The following ATG4C variants were observed in gnomAD, a reference collection of about 807,000 sequenced individuals.
ATG4C encodes the protein cysteine protease ATG4C.
ATG4C carries 56 observed loss-of-function variants against 57.6 expected under a neutral mutation model. The ratio of observed to expected loss-of-function variants is 0.97; its 90% CI spans 0.78 to 1.21. The LOEUF is 1.21. Among genes scored for constraint, ATG4C ranks in the 50% most tolerant of loss-of-function variants. The probability of loss-of-function intolerance (pLI) is 0.00; values close to 1 mark genes in which losing one functional copy is unlikely to be tolerated. For synonymous variants in ATG4C, 157 were observed against 174.1 expected (o/e 0.90, Z 0.78); for missense variants, 595 against 529.8 (o/e 1.12, Z -1.21).
chr1:62,826,953 C>CT (rs1227240263), intron 6 of ATG4C, among the ~76,000 whole-genome samples: 2 of 152,126 alleles, frequency 1.3e-5, no homozygotes, highest in African/African-American at 4.8e-5. Flanking sequence ...GCCCTTGCCC[C>CT]TGTAGCCTAT....
chr1:62,822,286 G>A (rs1415444992), intron 6 of ATG4C, among the ~76,000 whole-genome samples: 1 of 151,944 alleles, frequency 6.6e-6, no homozygotes, highest in Non-Finnish European at 1.5e-5. Flanking sequence ...TTTTTGTTTG[G>A]CCTTGTAAAG....
chr1:62,813,004 C>T (rs548442785), intron 3 of ATG4C, among the ~76,000 whole-genome samples: 1 of 152,290 alleles, frequency 6.6e-6, no homozygotes, highest in South Asian at 2.1e-4. Flanking sequence ...ATTCCATGCT[C>T]ATGGATAGGA....
chr1:62,850,513 CT>C (rs1179928305), intron 10 of ATG4C, among the ~76,000 whole-genome samples: 2 of 152,092 alleles, frequency 1.3e-5, no homozygotes, highest in Non-Finnish European at 2.9e-5. Context: ...AATGGAATCT[CT>C]GCTTCTCCCT....
At chr1:62,803,257 G>A (rs1218995011) in intron 1 of ATG4C, among the ~76,000 whole-genome samples, 2 of 152,178 alleles carry the variant, frequency 1.3e-5, no homozygotes, top group Non-Finnish European at 2.9e-5. Flanking sequence ...TATGTGATGT[G>A]AAAGTAGTGA....
intron 6 of ATG4C, among the ~76,000 whole-genome samples, chr1:62,826,106 G>A (rs1469927324): frequency 6.7e-6 from 1 of 150,354 alleles, no homozygotes; most frequent in Non-Finnish European, 1.5e-5. Flanking sequence ...ACGGTGTTTC[G>A]CCATGTTGAC....
chr1:62,844,950 A>G (rs1368474397), intron 10 of ATG4C, among the ~76,000 whole-genome samples: 1 of 152,094 alleles, frequency 6.6e-6, no homozygotes, highest in Non-Finnish European at 1.5e-5. Flanking sequence ...TCCATTCTGT[A>G]ATACACTCTT....
Position 62,841,548 on chromosome 1 carries a change from G to A in ATG4C, c.1209+1G>A, listed in dbSNP as rs1666167760. 6.4e-7 allele frequency: 1 copy of A among 1,568,136 alleles called. No individual in the cohort carries two copies. The highest frequency in any genetic ancestry group is 1.4e-5 in the African/African-American group (1 of 73,214). On this transcript the variant is annotated splice_donor_variant, in intron 10 of 10. Transcript: ENST00000317868. LOFTEE classifies it high-confidence loss of function. ...ACGAGCTTCTGAAGAAATCACCAAG[G>A]TATCTTTATTTAAAATATTATATTT...
At chr1:62,853,246 A>G (rs1666574479) in intron 10 of ATG4C, among the ~76,000 whole-genome samples, 1 of 151,688 alleles carries the variant, frequency 6.6e-6, no homozygotes, top group African/African-American at 2.4e-5. Context: ...TTTCTCTGAG[A>G]GCTTTCAGGT....
At chr1:62,847,493 C>T (rs114296587) in intron 10 of ATG4C, among the ~76,000 whole-genome samples, 1,531 of 152,146 alleles carry the variant, frequency 0.01, 13 homozygotes, top group Middle Eastern at 0.017. Flanking sequence ...AATTTAATTT[C>T]GGGAGTGCAA....
chr1:62,808,373 A>C (rs147800656), intron 3 of ATG4C, among the ~76,000 whole-genome samples: 162 of 152,212 alleles, frequency 1.1e-3, no homozygotes, highest in Admixed American at 1.8e-3. Context: ...GGGGAAAGGT[A>C]ATTTAAATTC....
intron 9 of ATG4C, among the ~76,000 whole-genome samples, chr1:62,840,851 C>T (rs994816575): frequency 2.0e-5 from 3 of 152,114 alleles, no homozygotes; most frequent in Non-Finnish European, 4.4e-5. Flanking sequence ...CCAGCCTGTT[C>T]CCTGAGAAGA....
At chr1:62,788,778 T>C (rs1377169726) in intron 1 of ATG4C, among the ~76,000 whole-genome samples, 1 of 152,226 alleles carries the variant, frequency 6.6e-6, no homozygotes, top group African/African-American at 2.4e-5. Context: ...CTTTCTTTTT[T>C]TGTCTTCAGG....
chr1:62,864,302 T>A lies in ATG4C; in HGVS notation c.*143T>A. 1 of 641,642 alleles carries A rather than the reference T, an allele frequency of 1.6e-6. No individual in the cohort carries two copies. Among genetic ancestry groups the A allele is most frequent in the Non-Finnish European group, 2.5e-6 (1 of 402,616 alleles). The allele number at this position is 641,642 out of a possible 1,614,324, so 39.7% of individuals were successfully genotyped here. ...AAAAGAACATTTGAAAATATAACAG[T>A]TAAAGATATTTTTCTAAAAGAGAAA... On this transcript the variant is annotated 3_prime_UTR_variant, in exon 11 of 11. Transcript: ENST00000317868.
chr1:62,808,139 G>T (rs184490278), intron 3 of ATG4C, among the ~76,000 whole-genome samples: 188 of 152,350 alleles, frequency 1.2e-3, no homozygotes, highest in African/African-American at 4.3e-3. Context: ...TAATGTAAAA[G>T]AATTGAAAGT....
At chr1:62,805,922 C>T (rs777070482) in intron 3 of ATG4C, among the ~76,000 whole-genome samples, 77 of 152,108 alleles carry the variant, frequency 5.1e-4, no homozygotes, top group Non-Finnish European at 1.0e-3. Flanking sequence ...AAATATACAT[C>T]CTTGCTTGGT....
At position 62,865,061 on chromosome 1, in the gene ATG4C, A is replaced by T. The variant is rs1316288041; in HGVS notation, c.*902A>T. ...AAGGCAAATCTGCCTTAAGTGTATT[A>T]TGTGTTACTTAAAGGCAAATTTGTG... On this transcript the variant is annotated 3_prime_UTR_variant, in exon 11 of 11. Coordinates refer to ENST00000317868, the MANE Select transcript of ATG4C (RefSeq NM_032852.4). 6.6e-6 allele frequency: 1 copy of T among 151,894 alleles called. No individual in the cohort carries two copies. The highest frequency in any genetic ancestry group is 1.9e-4 in the East Asian group (1 of 5,202). The allele number at this position is 151,894 out of a possible 1,614,324, so 9.4% of individuals were successfully genotyped here. A position where few individuals can be genotyped will look rare whatever the true frequency, so the allele number is the denominator to read the frequency against.
intron 1 of ATG4C, among the ~76,000 whole-genome samples, chr1:62,788,435 AC>A (rs1664158834): frequency 2.0e-5 from 2 of 97,830 alleles, no homozygotes; most frequent in African/African-American, 9.4e-5. Context: ...ATAAATACAC[AC>A]ACACACACAC....
chr1:62,803,418 T>G (rs1176467277), intron 1 of ATG4C, among the ~76,000 whole-genome samples: 2 of 152,228 alleles, frequency 1.3e-5, no homozygotes, highest in South Asian at 2.1e-4. Context: ...CTAAATTGAT[T>G]TATTGTATTC....
intron 7 of ATG4C, among the ~76,000 whole-genome samples, chr1:62,830,439 A>G (rs775059400): frequency 1.5e-4 from 23 of 152,090 alleles, no homozygotes; most frequent in Non-Finnish European, 2.5e-4. Flanking sequence ...GCAGTCTTGG[A>G]ACTGATTCCT....
Sources: allele counts gnomAD v4.1 joint callset (sites outside exome capture counted in the v4.1 genomes callset), GRCh38; gene constraint gnomAD v4.1.1; transcripts MANE v1.5; gene names NCBI Gene and HGNC (gene_info 2026-07-23, HGNC 2026-07-21).